The following DPP6 variants were observed in gnomAD, a reference collection of about 807,000 sequenced individuals.
The protein encoded by DPP6 is A-type potassium channel modulatory protein DPP6.
In DPP6, 69 loss-of-function variants were observed where a neutral mutation model predicts 122.6. That is an observed-to-expected ratio of 0.56 (90% confidence interval 0.46 to 0.69). The LOEUF (loss-of-function observed/expected upper bound fraction) is 0.69, where lower values mean the gene tolerates loss of function less well. DPP6 is among the 30% of genes least tolerant of loss of function. The probability of loss-of-function intolerance (pLI) is 0.00; values close to 1 mark genes in which losing one functional copy is unlikely to be tolerated. For synonymous variants in DPP6, 418 were observed against 433.1 expected, an observed-to-expected ratio of 0.97 and a Z score of 0.43; for missense variants, 928 against 1,116.9, an observed-to-expected ratio of 0.83 and a Z score of 2.41.
the DPP6 span, among the ~76,000 whole-genome samples, chr7:153,837,028 G>A: frequency 5.3e-5 from 8 of 152,192 alleles, no homozygotes; most frequent in Admixed American, 2.0e-4. Flanking sequence ...GGGATGCAAC[G>A]TGCTCATTGT....
At chr7:154,741,275 T>C (rs1313617475) in intron 8 of DPP6, among the ~76,000 whole-genome samples, 1 of 152,216 alleles carries the variant, frequency 6.6e-6, no homozygotes, top group Non-Finnish European at 1.5e-5. Flanking sequence ...TACAAGCTCA[T>C]GATTCTGGGC....
At chr7:154,432,367 C>CAGT (rs1405963088) in intron 1 of DPP6, among the ~76,000 whole-genome samples, 3 of 152,150 alleles carry the variant, frequency 2.0e-5, no homozygotes, top group Non-Finnish European at 4.4e-5. Flanking sequence ...TAATAATAGT[C>CAGT]ACAATTAATC....
At chr7:153,925,195 G>T (rs905831200) in intron 1 of DPP6, among the ~76,000 whole-genome samples, 1 of 152,180 alleles carries the variant, frequency 6.6e-6, no homozygotes, top group Non-Finnish European at 1.5e-5. Flanking sequence ...AGGTTCTGAT[G>T]AAGGGAGACC....
chr7:154,504,898 A>C (rs955010630), intron 3 of DPP6, among the ~76,000 whole-genome samples: 1 of 151,986 alleles, frequency 6.6e-6, no homozygotes, highest in Non-Finnish European at 1.5e-5. Context: ...ATATATGCAT[A>C]TCTGGGTCCA....
chr7:154,837,996 G>A (rs913307241), intron 16 of DPP6, among the ~76,000 whole-genome samples: 2 of 151,950 alleles, frequency 1.3e-5, no homozygotes, highest in African/African-American at 4.8e-5. Context: ...TTTAAAAATT[G>A]TTCATTTAGT....
At chr7:154,219,488 C>T (rs752642807) in intron 1 of DPP6, among the ~76,000 whole-genome samples, 9 of 152,186 alleles carry the variant, frequency 5.9e-5, no homozygotes, top group East Asian at 3.8e-4. Context: ...AAGACCTTTC[C>T]GGGTAACTGA....
At chr7:154,592,882 G>A (rs529637651) in intron 5 of DPP6, among the ~76,000 whole-genome samples, 5 of 152,246 alleles carry the variant, frequency 3.3e-5, no homozygotes, top group East Asian at 3.9e-4. Flanking sequence ...ATACAGCCTC[G>A]CAAACTGAGC....
chr7:154,880,798 AATGG>A (rs1362280549), intron 20 of DPP6, 86 bp from the exon 21 acceptor site: 4 of 1,606,586 alleles, frequency 2.5e-6, no homozygotes, highest in Admixed American at 1.7e-5. Context: ...TCATCCTTGA[AATGG>A]ATGGAAAACA....
chr7:154,273,022 C>T (rs914571065), intron 1 of DPP6, among the ~76,000 whole-genome samples: 7 of 152,158 alleles, frequency 4.6e-5, no homozygotes, highest in Non-Finnish European at 8.8e-5. Flanking sequence ...ACTGGAGTCT[C>T]TTTTATCACT....
chr7:154,814,559 A>G (rs887682694), intron 16 of DPP6, among the ~76,000 whole-genome samples: 1 of 152,182 alleles, frequency 6.6e-6, no homozygotes, highest in Non-Finnish European at 1.5e-5. Context: ...GATAAACCCA[A>G]TTCCATCTTT....
At chr7:154,488,132 GTTAA>G (rs146998818) in intron 3 of DPP6, among the ~76,000 whole-genome samples, 13,665 of 152,078 alleles carry the variant, frequency 0.09, 1,841 homozygotes, top group African/African-American at 0.3. Context: ...TGAATTTTTG[GTTAA>G]TTGAGGGCTG....
At chr7:154,460,889 A>G (rs145027734) in intron 2 of DPP6, among the ~76,000 whole-genome samples, 1 of 152,184 alleles carries the variant, frequency 6.6e-6, no homozygotes, top group African/African-American at 2.4e-5. Context: ...AAAAATGCAT[A>G]ATAAAGTATT....
At chr7:154,852,363 C>T (rs1416493453) in intron 16 of DPP6, among the ~76,000 whole-genome samples, 1 of 152,152 alleles carries the variant, frequency 6.6e-6, no homozygotes, top group Non-Finnish European at 1.5e-5. Context: ...GCAGCCCTGG[C>T]CACAGTGTTC....
At chr7:154,803,108 C>G (rs1168465665) in intron 13 of DPP6, among the ~76,000 whole-genome samples, 1 of 152,208 alleles carries the variant, frequency 6.6e-6, no homozygotes, top group Non-Finnish European at 1.5e-5. Context: ...GCCCCCCAAC[C>G]CCCATGTTCG....
rs375423933 is a variant in DPP6 at position 154,067,576 on chromosome 7, A to G, written c.243+14513A>G. Among the ~76,000 whole-genome samples, 130 of 152,258 alleles carry G rather than the reference A, an allele frequency of 8.5e-4. No individual in the cohort carries two copies. In the East Asian group the frequency reaches 0.013, roughly 15 times the overall value. ...GACCCTCGGAGATGGGCAGGGCACCATGGGGCTTTTGCATGGGGCTCAGGC... is the reference window on the plus strand; with the variant it reads ...GACCCTCGGAGATGGGCAGGGCACCGTGGGGCTTTTGCATGGGGCTCAGGC... On this transcript the variant is annotated intron_variant, in intron 1 of 25. Coordinates refer to ENST00000377770, the MANE Select transcript of DPP6 (RefSeq NM_130797.4).
At chr7:154,286,804 C>CTT (rs113416741) in intron 1 of DPP6, among the ~76,000 whole-genome samples, 3 of 133,930 alleles carry the variant, frequency 2.2e-5, no homozygotes, top group Non-Finnish European at 3.3e-5. Context: ...ATGATTTCTT[C>CTT]TTTTTTTTTT....
the DPP6 span, among the ~76,000 whole-genome samples, chr7:153,838,979 G>A: frequency 1.1e-4 from 16 of 152,166 alleles, no homozygotes; most frequent in Admixed American, 2.0e-4. Flanking sequence ...GTTTCTAAAC[G>A]TTGTTGAAAC....
chr7:153,823,296 C>A, the DPP6 span, among the ~76,000 whole-genome samples: 1 of 151,868 alleles, frequency 6.6e-6, no homozygotes, highest in Non-Finnish European at 1.5e-5. Flanking sequence ...CCCTAAGAAG[C>A]CTGGCCCAGG....
chr7:154,511,569 A>G (rs988825667), intron 3 of DPP6, among the ~76,000 whole-genome samples: 2 of 152,246 alleles, frequency 1.3e-5, no homozygotes, highest in Non-Finnish European at 2.9e-5. Flanking sequence ...TTGCAAGCAA[A>G]TGAGAAAGCA....
Sources: allele counts gnomAD v4.1 joint callset (sites outside exome capture counted in the v4.1 genomes callset), GRCh38; gene constraint gnomAD v4.1.1; transcripts MANE v1.5; gene names NCBI Gene and HGNC (gene_info 2026-07-23, HGNC 2026-07-21).